The following TSC22D3 variants were observed in gnomAD, a reference collection of about 807,000 sequenced individuals.
TSC22D3 encodes the protein TSC22 domain family member 3.
A neutral mutation model predicts 11.1 loss-of-function variants in TSC22D3; 4 were observed. That is an observed-to-expected ratio of 0.36 (90% CI 0.18 to 0.83). The LOEUF is 0.83. Ranked by LOEUF, TSC22D3 falls within the 40% of genes least tolerant of loss-of-function variation. TSC22D3 has a pLI of 0.48. For missense variants in TSC22D3, 118 were observed against 159.4 expected (o/e 0.74, Z 1.40); for synonymous variants, 77 against 70.3 (o/e 1.10, Z -0.48).
At chrX:107,751,422 G>A (rs1928927853) in intron 1 of TSC22D3, among the ~76,000 whole-genome samples, 1 of 112,075 alleles carries the variant, frequency 8.9e-6, no homozygotes, top group East Asian at 2.8e-4. Context: ...GAAGAAAGAA[G>A]AGCAAATGAG....
At chrX:107,753,157 C>T (rs141448212) in intron 1 of TSC22D3, among the ~76,000 whole-genome samples, 1 of 110,966 alleles carries the variant, frequency 9.0e-6, no homozygotes, top group Non-Finnish European at 1.9e-5. Context: ...TGCTTGGCCA[C>T]TGACAGGGTG....
At chrX:107,717,164 G>T in intron 1 of TSC22D3, 1 of 691,216 alleles carries the variant, frequency 1.4e-6, no homozygotes, top group Non-Finnish European at 1.8e-6. Context: ...TTGTGGCCCA[G>T]TTAAACCACA....
In TSC22D3 at chrX:107,742,691, G is replaced by A. The variant is rs1173656825; in HGVS notation, c.321-26741C>T. On this transcript the variant is annotated intron_variant, in intron 1 of 2. Transcript: ENST00000372383. The stretch of plus-strand genomic sequence containing the variant: ...GAAGGCATCCAAGGTCCCTTGCAGG[G>A]ACCAGAGCCTGTAATATGGCAAGTC... Among the ~76,000 whole-genome samples, 21 of 111,377 alleles carry A rather than the reference G, an allele frequency of 1.9e-4. No homozygotes were observed. The Admixed American group carries it at 2.0e-3, about 10-fold the overall frequency.
Position 107,762,330 on chromosome X carries a change from G to A in TSC22D3, c.320+12770C>T, listed in dbSNP as rs184956421. Among the ~76,000 whole-genome samples, 537 of 111,297 alleles carry A rather than the reference G, an allele frequency of 4.8e-3. 4 individuals carry two copies. Among genetic ancestry groups the A allele is most frequent in the African/African-American group, 0.017 (516 of 30,554 alleles). The stretch of plus-strand genomic sequence containing the variant: ...AGAGAGCTGAAGGATGATAGAAGGG[G>A]CCCTACCAGCTCCTCAGTCCATTCT... On this transcript the variant is annotated intron_variant, in intron 1 of 2. Coordinates refer to ENST00000372383, the MANE Select transcript of TSC22D3 (RefSeq NM_198057.3).
chrX:107,765,359 A>G (rs1202803595), intron 1 of TSC22D3, among the ~76,000 whole-genome samples: 1 of 112,107 alleles, frequency 8.9e-6, no homozygotes, highest in Non-Finnish European at 1.9e-5. Flanking sequence ...AGGTCACGCC[A>G]GTGCTTTGTT....
chrX:107,729,166 C>T (rs1218123131), intron 1 of TSC22D3, among the ~76,000 whole-genome samples: 1 of 112,161 alleles, frequency 8.9e-6, no homozygotes, highest in Non-Finnish European at 1.9e-5. Context: ...TGTTAATCTT[C>T]AGTGCTCCCT....
In TSC22D3 at chrX:107,733,598, A is replaced by G. The variant is rs776559953; in HGVS notation, c.321-17648T>C. The stretch of plus-strand genomic sequence containing the variant: ...ATCCTGTCCCCTCAAGCCTTCCTCC[A>G]CCAGCTGAGGACTTCTTGCCATGCT... On this transcript the variant is annotated intron_variant, in intron 1 of 2. Coordinates refer to ENST00000372383, the MANE Select transcript of TSC22D3 (RefSeq NM_198057.3). 4.6e-5 allele frequency among the ~76,000 whole-genome samples: 5 copies of G among 108,727 alleles called. No homozygotes were observed. The South Asian group carries it at 1.6e-3, about 34-fold the overall frequency. The allele number at this position is 108,727 out of a possible 115,157, so 94.4% of individuals were successfully genotyped here.
chrX:107,716,531 C>G (rs904812937), intron 1 of TSC22D3: 12 of 984,176 alleles, frequency 1.2e-5, no homozygotes, highest in African/African-American at 4.2e-5. Flanking sequence ...GGCGGTGACC[C>G]CCCCCTTCCT....
Position 107,775,454 on chromosome X carries a change from T to A in TSC22D3, c.-35A>T. The A allele has an allele frequency of 8.9e-7, 1 of 1,118,822 alleles. No individual in the cohort carries two copies. Among genetic ancestry groups the A allele is most frequent in the Middle Eastern group, 2.5e-4 (1 of 3,937 alleles). The allele number at this position is 1,118,822 out of a possible 1,213,427, so 92.2% of individuals were successfully genotyped here. On this transcript the variant is annotated 5_prime_UTR_variant, in exon 1 of 3. Coordinates refer to ENST00000372383, the MANE Select transcript of TSC22D3 (RefSeq NM_198057.3). The stretch of plus-strand genomic sequence containing the variant: ...CTCGGAGGTCGCCTGGCCTGCGAGG[T>A]CAGGGGCGGCTGGCAGGTGCGCGCC...
chrX:107,717,579 T>C (rs1185620663), intron 1 of TSC22D3, among the ~76,000 whole-genome samples: 2 of 112,711 alleles, frequency 1.8e-5, no homozygotes, highest in East Asian at 5.6e-4. Context: ...CGACCTGCCC[T>C]GAACCCCAGC....
chrX:107,763,108 G>A (rs149219603), intron 1 of TSC22D3, among the ~76,000 whole-genome samples: 4,331 of 110,652 alleles, frequency 0.039, 212 homozygotes, highest in African/African-American at 0.14. Flanking sequence ...ACCAGCCTTG[G>A]CCTCCCGAAG....
At chrX:107,729,697 A>C (rs1326311046) in intron 1 of TSC22D3, among the ~76,000 whole-genome samples, 2 of 111,566 alleles carry the variant, frequency 1.8e-5, no homozygotes, top group South Asian at 3.7e-4. Flanking sequence ...CCCCCTCTCC[A>C]CCCCCGGGGC....
intron 1 of TSC22D3, among the ~76,000 whole-genome samples, chrX:107,737,576 T>C (rs961001234): frequency 2.0e-4 from 22 of 111,134 alleles, no homozygotes; most frequent in Non-Finnish European, 3.8e-4. Flanking sequence ...TCCATGCTGC[T>C]TTTTTTCTTT....
At chrX:107,717,043 C>T (rs1218115322) in intron 1 of TSC22D3, 2 of 981,444 alleles carry the variant, frequency 2.0e-6, no homozygotes, top group Non-Finnish European at 2.6e-6. Context: ...ACTCCACGGC[C>T]GCCAGTCCAA....
chrX:107,734,755 T>TA lies in TSC22D3; in HGVS notation c.321-18806dup, dbSNP rs1196110459. Among the ~76,000 whole-genome samples the TA allele has an allele frequency of 9.1e-5, 10 of 110,121 alleles. No homozygotes were observed. In the Admixed American group the frequency reaches 9.6e-4, roughly 11 times the overall value. ...GATCATAAATTGTCACATTTTTTTTTACCAGTAATGGTAAGAGTAATAACA... is the reference window on the plus strand; with the variant it reads ...GATCATAAATTGTCACATTTTTTTTTAACCAGTAATGGTAAGAGTAATAACA... On this transcript the variant is annotated intron_variant, in intron 1 of 2. Coordinates refer to ENST00000372383, the MANE Select transcript of TSC22D3 (RefSeq NM_198057.3).
chrX:107,732,885 G>T (rs111366253), intron 1 of TSC22D3, among the ~76,000 whole-genome samples: 3,139 of 110,760 alleles, frequency 0.028, 125 homozygotes, highest in African/African-American at 0.097. Context: ...ATCGCTTGAG[G>T]CCAGGAGTTC....
chrX:107,731,873 G>C lies in TSC22D3; in HGVS notation c.321-15923C>G, dbSNP rs796980263. On this transcript the variant is annotated intron_variant, in intron 1 of 2. Transcript: ENST00000372383. ...GGCTTGCAGGATGCTAGATGGGGGT[G>C]GGGGGAGGGAGAGGGCTGTAGGAAG... 7.1e-5 allele frequency among the ~76,000 whole-genome samples: 6 copies of C among 84,394 alleles called. No individual in the cohort carries two copies. In the South Asian group the frequency reaches 5.6e-3, roughly 79 times the overall value. The allele number at this position is 84,394 out of a possible 115,157, so 73.3% of individuals were successfully genotyped here. A position where few individuals can be genotyped will look rare whatever the true frequency, so the allele number is the denominator to read the frequency against.
chrX:107,751,141 A>C (rs1347752977), intron 1 of TSC22D3, among the ~76,000 whole-genome samples: 1 of 112,184 alleles, frequency 8.9e-6, no homozygotes, highest in African/African-American at 3.2e-5. Flanking sequence ...GCAGAGGATC[A>C]GCAGCAAAAG....
chrX:107,743,984 G>A (rs1021959035), intron 1 of TSC22D3, among the ~76,000 whole-genome samples: 4 of 112,445 alleles, frequency 3.6e-5, no homozygotes, highest in East Asian at 2.8e-4. Context: ...GGGTGGGTGG[G>A]AGTGCCCACC....
Sources: gnomAD v4.1 joint callset for allele counts (sites outside exome capture counted in the v4.1 genomes callset) on GRCh38, gnomAD v4.1.1 for gene constraint, MANE v1.5 for transcripts, NCBI Gene and HGNC (gene_info 2026-07-23, HGNC 2026-07-21) for gene names.